GPR176: variants seen among roughly 807,000 people sequenced by gnomAD.
The protein encoded by GPR176 is G-protein coupled receptor 176.
A neutral mutation model predicts 35.4 loss-of-function variants in GPR176; 26 were observed. The observed-to-expected ratio is 0.74, with a 90% CI of 0.54 to 1.02. The LOEUF (loss-of-function observed/expected upper bound fraction) is 1.02. GPR176 is among the 50% of genes least tolerant of loss of function. The pLI is 0.00. For missense variants in GPR176, 597 were observed against 665.3 expected, an observed-to-expected ratio of 0.90 and a Z score of 1.13; for synonymous variants, 278 against 271.3, an observed-to-expected ratio of 1.02 and a Z score of -0.24.
intron 1 of GPR176, among the ~76,000 whole-genome samples, chr15:39,912,488 A>C (rs1356168966): frequency 4.0e-5 from 6 of 151,838 alleles, no homozygotes; most frequent in Non-Finnish European, 7.4e-5. Context: ...GTGTGGTGGC[A>C]TGCGCCTGTA....
At chr15:39,846,057 G>A (rs2030401965) in intron 1 of GPR176, among the ~76,000 whole-genome samples, 1 of 152,164 alleles carries the variant, frequency 6.6e-6, no homozygotes, top group Non-Finnish European at 1.5e-5. Context: ...AAACAGGAGA[G>A]CAACATTTTA....
chr15:39,917,928 C>G (rs1176823400), intron 1 of GPR176, among the ~76,000 whole-genome samples: 2 of 151,636 alleles, frequency 1.3e-5, no homozygotes, highest in Non-Finnish European at 2.9e-5. Flanking sequence ...GCCTGTAATC[C>G]CAGCTACTCA....
At position 39,850,966 on chromosome 15, in the gene GPR176, AAAG is replaced by A. The variant is rs61653949; in HGVS notation, c.173-43711_173-43709del. Among the ~76,000 whole-genome samples, 657 of 152,256 alleles carry A rather than the reference AAAG, an allele frequency of 4.3e-3. 2 individuals are homozygous for A. Among genetic ancestry groups the A allele is most frequent in the Middle Eastern group, 0.014 (4 of 294 alleles). ...AGAACTAACATGCTGGAAGTTGAAA[AAAG>A]AAGAAGTAGATACGGGACATATAGT... On this transcript the variant is annotated intron_variant, in intron 1 of 2. Coordinates refer to ENST00000561100, the MANE Select transcript of GPR176 (RefSeq NM_007223.3).
intron 1 of GPR176, among the ~76,000 whole-genome samples, chr15:39,872,790 A>T (rs922243005): frequency 6.6e-6 from 1 of 152,164 alleles, no homozygotes; most frequent in Admixed American, 6.5e-5. Context: ...TTTCGCAAAG[A>T]TAGCACTAAC....
chr15:39,808,329 C>T (rs1899328079), intron 1 of GPR176, among the ~76,000 whole-genome samples: 2 of 152,172 alleles, frequency 1.3e-5, no homozygotes, highest in African/African-American at 4.8e-5. Context: ...ACCTTCCTTC[C>T]CCTGGCTTGC....
intron 1 of GPR176, among the ~76,000 whole-genome samples, chr15:39,815,695 A>C (rs1325804896): frequency 6.6e-6 from 1 of 152,206 alleles, no homozygotes; most frequent in Non-Finnish European, 1.5e-5. Flanking sequence ...AATATACCAC[A>C]CAGAAAATGT....
chr15:39,807,084 A>C lies in GPR176; in HGVS notation c.347T>G (p.Phe116Cys), dbSNP rs1481256599. 1 of 1,613,620 alleles carries C rather than the reference A, an allele frequency of 6.2e-7. No homozygotes were observed. Among genetic ancestry groups the C allele is most frequent in the Non-Finnish European group, 8.5e-7 (1 of 1,179,672 alleles). Residue 116 changes from phenylalanine (F) to cysteine (C), a missense_variant, in exon 2 of 3, where the codon TTC becomes TGC. Coordinates refer to ENST00000561100, the MANE Select transcript of GPR176 (RefSeq NM_007223.3). ...GTGCAAAAATTTGACGACCTTGCAG[A>C]AGAGCATGGTGTAGATCCACCAGCA... is the stretch of plus-strand genomic sequence containing the variant. ...HCCWWIYTML[F>C]CKVVKFLHKV...
chr15:39,917,538 G>A (rs2033759136), intron 1 of GPR176, among the ~76,000 whole-genome samples: 1 of 151,504 alleles, frequency 6.6e-6, no homozygotes, highest in Non-Finnish European at 1.5e-5. Context: ...ATTTCATCAT[G>A]TTGGCCAGGC....
rs143270897 is a variant in GPR176 at position 39,876,681 on chromosome 15, TA to T, written c.172+43173del. ...AGAACATGGCAAAACCCCCTCTCTA[TA>T]AAAAAAAAATACAAAAATTAGCTGG... On this transcript the variant is annotated intron_variant, in intron 1 of 2. Coordinates refer to ENST00000561100, the MANE Select transcript of GPR176 (RefSeq NM_007223.3). 8.5e-4 allele frequency among the ~76,000 whole-genome samples: 126 copies of T among 147,952 alleles called. No homozygotes were observed. In the East Asian group the frequency reaches 0.016, roughly 18 times the overall value.
chr15:39,914,950 G>A (rs138615694), intron 1 of GPR176, among the ~76,000 whole-genome samples: 157 of 152,306 alleles, frequency 1.0e-3, no homozygotes, highest in African/African-American at 3.6e-3. Context: ...AAGCAAGCAT[G>A]AGCAAAACTA....
intron 1 of GPR176, among the ~76,000 whole-genome samples, chr15:39,911,817 CAAACTT>C (rs2033585459): frequency 6.6e-6 from 1 of 152,278 alleles, no homozygotes; most frequent in Admixed American, 6.5e-5. Flanking sequence ...TTAGTAGAAT[CAAACTT>C]AAAAGATCCA....
intron 1 of GPR176, among the ~76,000 whole-genome samples, chr15:39,912,480 G>A (rs57915574): frequency 0.083 from 12,527 of 151,826 alleles, 893 homozygotes; most frequent in Admixed American, 0.21. Flanking sequence ...TTATCCAGGT[G>A]TGGTGGCATG....
intron 1 of GPR176, among the ~76,000 whole-genome samples, chr15:39,910,553 A>G (rs1179492588): frequency 6.6e-6 from 1 of 152,030 alleles, no homozygotes; most frequent in Non-Finnish European, 1.5e-5. Flanking sequence ...AGCAAACCGC[A>G]TCTCAAAAAG....
chr15:39,835,111 G>A (rs1156901447), intron 1 of GPR176, among the ~76,000 whole-genome samples: 1 of 152,040 alleles, frequency 6.6e-6, no homozygotes, highest in Non-Finnish European at 1.5e-5. Flanking sequence ...TCTGCCTCCT[G>A]GGTTCAAGCA....
chr15:39,902,113 C>A (rs765816957), intron 1 of GPR176, among the ~76,000 whole-genome samples: 26 of 152,014 alleles, frequency 1.7e-4, no homozygotes, highest in Non-Finnish European at 3.1e-4. Flanking sequence ...ACTCCAAGAC[C>A]CCATGTCAAA....
Position 39,800,707 on chromosome 15 carries a change from C to T in GPR176, c.*425G>A, listed in dbSNP as rs920922851. 1.8e-5 allele frequency: 3 copies of T among 162,488 alleles called. No homozygotes were observed. The highest frequency in any genetic ancestry group is 2.7e-5 in the Non-Finnish European group (2 of 73,786). 10.1% of individuals were successfully genotyped at this position (162,488 alleles called of 1,614,324 possible). ...ATCAAACAGGCATTTTCTCTGGAGC[C>T]ACCATGCTCCATCATGATCTTGGAA... On this transcript the variant is annotated 3_prime_UTR_variant, in exon 3 of 3. Coordinates refer to ENST00000561100, the MANE Select transcript of GPR176 (RefSeq NM_007223.3).
At chr15:39,874,503 T>C (rs2032167222) in intron 1 of GPR176, among the ~76,000 whole-genome samples, 1 of 152,220 alleles carries the variant, frequency 6.6e-6, no homozygotes, top group Non-Finnish European at 1.5e-5. Context: ...TTGCTATGTA[T>C]TGTTAGCTGC....
chr15:39,909,947 A>G (rs148438881), intron 1 of GPR176: 26 of 882,614 alleles, frequency 2.9e-5, no homozygotes, highest in African/African-American at 2.7e-4. Context: ...ACAAGGAAAC[A>G]TTTTTCTTTA....
chr15:39,886,157 C>CG (rs1566962610), intron 1 of GPR176, among the ~76,000 whole-genome samples: 1 of 151,842 alleles, frequency 6.6e-6, no homozygotes, highest in Non-Finnish European at 1.5e-5. Flanking sequence ...CACTTGAACC[C>CG]GGGAGTAGGA....
Sources: allele counts gnomAD v4.1 joint callset (sites outside exome capture counted in the v4.1 genomes callset), GRCh38; gene constraint gnomAD v4.1.1; transcripts MANE v1.5; gene names NCBI Gene and HGNC (gene_info 2026-07-23, HGNC 2026-07-21).